CNBD1: variants seen among roughly 807,000 people sequenced by gnomAD.
CNBD1 encodes cyclic nucleotide-binding domain-containing protein 1.
Under a neutral mutation model 54.4 loss-of-function variants are expected in CNBD1, and 71 were observed. The ratio of observed to expected loss-of-function variants is 1.30; its 90% CI spans 1.08 to 1.59. The LOEUF is 1.59. Ranked by LOEUF, CNBD1 falls within the 40% of genes most tolerant of loss-of-function variation. CNBD1 has a pLI of 0.00. For missense variants in CNBD1, 659 were observed against 518.0 expected (o/e 1.27, Z -2.64); for synonymous variants, 182 against 170.7 (o/e 1.07, Z -0.51).
chr8:87,356,758 C>G (rs998850222), intron 10 of CNBD1, among the ~76,000 whole-genome samples: 2 of 152,096 alleles, frequency 1.3e-5, no homozygotes, highest in Admixed American at 6.6e-5. Flanking sequence ...CAACAACTTG[C>G]TAGAGGGATT....
chr8:87,058,355 G>A (rs71525081), intron 4 of CNBD1, among the ~76,000 whole-genome samples: 3 of 152,118 alleles, frequency 2.0e-5, no homozygotes, highest in Non-Finnish European at 2.9e-5. Context: ...ACCCTTCTGC[G>A]ATCTGGAGGA....
chr8:87,130,013 C>A (rs1244089901), intron 4 of CNBD1, among the ~76,000 whole-genome samples: 1 of 152,050 alleles, frequency 6.6e-6, no homozygotes, highest in South Asian at 2.1e-4. Context: ...TGCAGGGGAG[C>A]TCCCCCTTAT....
At chr8:87,045,628 G>T (rs1352479295) in intron 4 of CNBD1, among the ~76,000 whole-genome samples, 2 of 151,238 alleles carry the variant, frequency 1.3e-5, no homozygotes, top group Non-Finnish European at 2.9e-5. Context: ...GGGAGGCTGA[G>T]GCAGGAGAAT....
At chr8:86,972,433 T>A (rs769107954) in intron 4 of CNBD1, among the ~76,000 whole-genome samples, 3 of 152,152 alleles carry the variant, frequency 2.0e-5, no homozygotes, top group Non-Finnish European at 4.4e-5. Flanking sequence ...GAGTTGAAAA[T>A]CTAAAATCTA....
intron 4 of CNBD1, among the ~76,000 whole-genome samples, chr8:87,121,594 A>G (rs6415434): frequency 0.6 from 91,227 of 151,330 alleles, 28,753 homozygotes; most frequent in African/African-American, 0.79. Flanking sequence ...TCACCCTGCT[A>G]TGCAGTATAT....
intron 4 of CNBD1, among the ~76,000 whole-genome samples, chr8:87,075,965 A>C (rs1157274811): frequency 6.6e-6 from 1 of 152,114 alleles, no homozygotes; most frequent in Non-Finnish European, 1.5e-5. Context: ...TAGCCCTTGC[A>C]TCTAACTTCT....
chr8:87,152,832 A>G (rs920423637), intron 4 of CNBD1, among the ~76,000 whole-genome samples: 2 of 152,194 alleles, frequency 1.3e-5, no homozygotes, highest in Non-Finnish European at 2.9e-5. Flanking sequence ...GAAATACTAT[A>G]CTTTTGCTGT....
chr8:87,367,474 G>C (rs920751691), intron 10 of CNBD1, among the ~76,000 whole-genome samples: 1 of 151,968 alleles, frequency 6.6e-6, no homozygotes, highest in Non-Finnish European at 1.5e-5. Context: ...TCTTCTATCA[G>C]TCTCTATTCT....
At chr8:86,925,387 A>G (rs980797590) in intron 3 of CNBD1, among the ~76,000 whole-genome samples, 6 of 152,020 alleles carry the variant, frequency 3.9e-5, no homozygotes, top group African/African-American at 1.4e-4. Flanking sequence ...TTTAAAAATG[A>G]TGGAAGAATC....
chr8:87,356,626 T>C (rs915760765), intron 10 of CNBD1, among the ~76,000 whole-genome samples: 1 of 152,116 alleles, frequency 6.6e-6, no homozygotes, highest in African/African-American at 2.4e-5. Flanking sequence ...AAAAGATGAC[T>C]TAACGTTGGA....
intron 2 of CNBD1, among the ~76,000 whole-genome samples, chr8:87,425,384 G>A (rs1208019799): frequency 6.6e-6 from 1 of 152,176 alleles, no homozygotes; most frequent in African/African-American, 2.4e-5. Flanking sequence ...CTTTGGAGGA[G>A]GAGAGGCGCT....
intron 4 of CNBD1, among the ~76,000 whole-genome samples, chr8:86,950,546 T>C (rs575913042): frequency 6.6e-6 from 1 of 152,322 alleles, no homozygotes; most frequent in South Asian, 2.1e-4. Context: ...TTTAGTTTGC[T>C]AGTATTTTGT....
intron 4 of CNBD1, among the ~76,000 whole-genome samples, chr8:86,971,914 A>T (rs1052602109): frequency 8.5e-5 from 13 of 152,216 alleles, no homozygotes; most frequent in Non-Finnish European, 1.5e-4. Context: ...TCTCTCACAT[A>T]GATATATTTT....
intron 4 of CNBD1, among the ~76,000 whole-genome samples, chr8:86,978,069 T>G (rs1397722720): frequency 6.6e-6 from 1 of 152,164 alleles, no homozygotes; most frequent in African/African-American, 2.4e-5. Flanking sequence ...CTGTATGGCT[T>G]ATGAATTACA....
chr8:87,400,035 T>C (rs547833285), intron 2 of CNBD1, among the ~76,000 whole-genome samples: 5 of 152,014 alleles, frequency 3.3e-5, no homozygotes, highest in African/African-American at 1.2e-4. Context: ...AATTCACAGA[T>C]AATCAGTGGT....
chr8:87,350,973 GATA>G (rs1474041152), intron 8 of CNBD1, among the ~76,000 whole-genome samples: 2 of 152,024 alleles, frequency 1.3e-5, no homozygotes, highest in Non-Finnish European at 2.9e-5. Flanking sequence ...AAAGAATAAT[GATA>G]ATAACATCGA....
At position 87,098,929 on chromosome 8, in the gene CNBD1, C is replaced by T. The variant is rs372664712; in HGVS notation, c.432-107064C>T. 3.1e-3 allele frequency among the ~76,000 whole-genome samples: 441 copies of T among 143,468 alleles called. 4 individuals carry two copies. Among genetic ancestry groups the T allele is most frequent in the African/African-American group, 0.011 (419 of 39,016 alleles). 94.1% of individuals were successfully genotyped at this position (143,468 alleles called of 152,430 possible). On this transcript the variant is annotated intron_variant, in intron 4 of 10. Transcript: ENST00000518476. The stretch of plus-strand genomic sequence containing the variant: ...GCACACGCCTGTAATCCCAGCTACT[C>T]GGGAGGCTAAGGCAGGAGAATAGTT...
intron 4 of CNBD1, among the ~76,000 whole-genome samples, chr8:86,980,437 TACACCTCA>T (rs1808462184): frequency 6.6e-6 from 1 of 152,244 alleles, no homozygotes; most frequent in Non-Finnish European, 1.5e-5. Flanking sequence ...GCTCTGTATT[TACACCTCA>T]ATGTGACTTT....
At chr8:87,186,975 T>G (rs1813491414) in intron 4 of CNBD1, among the ~76,000 whole-genome samples, 1 of 152,122 alleles carries the variant, frequency 6.6e-6, no homozygotes, top group Non-Finnish European at 1.5e-5. Context: ...TAATTATCAT[T>G]GATTTGATAA....
Sources: allele counts gnomAD v4.1 joint callset (sites outside exome capture counted in the v4.1 genomes callset), GRCh38; gene constraint gnomAD v4.1.1; transcripts MANE v1.5; gene names NCBI Gene and HGNC (gene_info 2026-07-23, HGNC 2026-07-21).